Variants in RBFOX1 observed in about 807,000 individuals in gnomAD.
RBFOX1 encodes RNA binding fox-1 homolog 1.
RBFOX1 carries 8 observed loss-of-function variants against 57.7 expected under a neutral mutation model. The ratio of observed to expected loss-of-function variants is 0.14; its 90% confidence interval spans 0.08 to 0.25. RBFOX1 has a LOEUF of 0.25. Among genes scored for constraint, RBFOX1 ranks in the 10% least tolerant of loss-of-function variants. The pLI, the probability that RBFOX1 is intolerant of heterozygous loss-of-function variation, is 1.00. For synonymous variants in RBFOX1, 326 were observed against 222.4 expected, an observed-to-expected ratio of 1.47 and a Z score of -4.15; for missense variants, 611 against 548.5, an observed-to-expected ratio of 1.11 and a Z score of -1.14.
chr16:7,234,887 A>G (rs2152937937), intron 4 of RBFOX1, among the ~76,000 whole-genome samples: 1 of 152,172 alleles, frequency 6.6e-6, no homozygotes, highest in Non-Finnish European at 1.5e-5. Flanking sequence ...GTCCCATAAG[A>G]ATTATTCACA....
intron 3 of RBFOX1, among the ~76,000 whole-genome samples, chr16:5,817,286 C>A (rs2055677796): frequency 2.6e-5 from 4 of 152,158 alleles, no homozygotes; most frequent in Admixed American, 2.6e-4. Flanking sequence ...CTTTGAAATC[C>A]ATATTCTTCT....
chr16:7,249,985 A>G (rs1447513512), intron 4 of RBFOX1, among the ~76,000 whole-genome samples: 2 of 152,232 alleles, frequency 1.3e-5, no homozygotes, highest in African/African-American at 4.8e-5. Context: ...AAGCATTATA[A>G]AATCCTTTCC....
rs1449345959 is a variant in RBFOX1 at position 7,371,632 on chromosome 16, C to G, written c.28-146515C>G. On this transcript the variant is annotated intron_variant, in intron 4 of 15. Transcript: ENST00000550418. ...GGGTGTGGTGGCAGGCGCCTATAAT[C>G]CCAGCTACTCAGGATACTGAGGCAG... is the stretch of plus-strand genomic sequence containing the variant. Among the ~76,000 whole-genome samples the G allele has an allele frequency of 2.6e-5, 4 of 152,270 alleles. No homozygotes were observed. In the East Asian group the frequency reaches 7.8e-4, roughly 30 times the overall value.
chr16:7,289,693 G>A (rs998066116), intron 4 of RBFOX1, among the ~76,000 whole-genome samples: 1 of 152,104 alleles, frequency 6.6e-6, no homozygotes, highest in South Asian at 2.1e-4. Context: ...TATCCTTGAA[G>A]CTGATATGTG....
chr16:5,336,316 T>A (rs916206622), intron 1 of RBFOX1, among the ~76,000 whole-genome samples: 1 of 152,154 alleles, frequency 6.6e-6, no homozygotes, highest in Non-Finnish European at 1.5e-5. Flanking sequence ...AGGGCACACA[T>A]TCTCAATTCA....
At chr16:6,904,609 A>G (rs1253471835) in intron 3 of RBFOX1, among the ~76,000 whole-genome samples, 3 of 149,268 alleles carry the variant, frequency 2.0e-5, no homozygotes, top group African/African-American at 7.4e-5. Context: ...TAAAAAAAAA[A>G]AAAAAAAAAA....
At chr16:5,500,834 C>G (rs965270387) in intron 2 of RBFOX1, among the ~76,000 whole-genome samples, 1 of 152,180 alleles carries the variant, frequency 6.6e-6, no homozygotes, top group African/African-American at 2.4e-5. Flanking sequence ...CCTATACTTA[C>G]GAATTGCCTT....
At chr16:7,219,734 G>A (rs975332514) in intron 4 of RBFOX1, among the ~76,000 whole-genome samples, 11 of 152,148 alleles carry the variant, frequency 7.2e-5, no homozygotes, top group African/African-American at 2.7e-4. Context: ...TTTAAGAGTG[G>A]TATTGGAATG....
At chr16:7,116,836 A>G (rs2066010819) in intron 4 of RBFOX1, among the ~76,000 whole-genome samples, 1 of 152,166 alleles carries the variant, frequency 6.6e-6, no homozygotes, top group Non-Finnish European at 1.5e-5. Context: ...GACACAGACC[A>G]TCCCCTCAAG....
intron 4 of RBFOX1, among the ~76,000 whole-genome samples, chr16:7,188,163 G>T (rs1305437327): frequency 2.0e-5 from 3 of 152,172 alleles, no homozygotes; most frequent in Admixed American, 2.0e-4. Flanking sequence ...TATCTAACTG[G>T]AAAGAAAACC....
intron 4 of RBFOX1, among the ~76,000 whole-genome samples, chr16:7,465,131 AG>A (rs1468435694): frequency 6.6e-6 from 1 of 152,110 alleles, no homozygotes; most frequent in Non-Finnish European, 1.5e-5. Flanking sequence ...TTTCTACGTC[AG>A]GGGCTTTGCA....
At chr16:6,024,134 G>A (rs561994532) in intron 1 of RBFOX1, among the ~76,000 whole-genome samples, 1 of 152,326 alleles carries the variant, frequency 6.6e-6, no homozygotes, top group South Asian at 2.1e-4. Flanking sequence ...TAGTCAAAGA[G>A]ACATGGGTGA....
chr16:6,651,294 C>T (rs2098593327), intron 2 of RBFOX1, among the ~76,000 whole-genome samples: 1 of 152,216 alleles, frequency 6.6e-6, no homozygotes, highest in Non-Finnish European at 1.5e-5. Flanking sequence ...ACAGACCGTG[C>T]AACGGCCCCA....
rs544806904 is a variant in RBFOX1 at position 7,070,335 on chromosome 16, A to G, written c.27+18237A>G. On this transcript the variant is annotated intron_variant, in intron 4 of 15. Coordinates refer to ENST00000550418, the MANE Select transcript of RBFOX1 (RefSeq NM_018723.4). ...TAACAATATAGATGCTTTCCTGGAT[A>G]GAGAACATGGAGGCATGATTTTGGA... Among the ~76,000 whole-genome samples the G allele has an allele frequency of 3.9e-5, 6 of 152,334 alleles. No individual in the cohort carries two copies. The South Asian group carries it at 1.0e-3, about 26-fold the overall frequency.
At chr16:5,723,046 A>C (rs1008878180) in intron 3 of RBFOX1, among the ~76,000 whole-genome samples, 3 of 152,190 alleles carry the variant, frequency 2.0e-5, no homozygotes, top group Non-Finnish European at 4.4e-5. Flanking sequence ...ATCCATCACA[A>C]ACTGCTTTCC....
intron 1 of RBFOX1, among the ~76,000 whole-genome samples, chr16:5,297,192 A>G (rs756287019): frequency 1.2e-4 from 18 of 152,324 alleles, no homozygotes; most frequent in Non-Finnish European, 1.2e-4. Context: ...TGTATTGGCT[A>G]TTGTGAATAG....
chr16:5,271,689 G>C (rs2063012239), intron 1 of RBFOX1, among the ~76,000 whole-genome samples: 2 of 152,166 alleles, frequency 1.3e-5, no homozygotes, highest in African/African-American at 2.4e-5. Context: ...AGTTTAACTT[G>C]TTCAAAACTT....
chr16:6,469,382 A>G (rs906147243), intron 2 of RBFOX1, among the ~76,000 whole-genome samples: 13 of 152,196 alleles, frequency 8.5e-5, no homozygotes, highest in African/African-American at 2.9e-4. Context: ...CTACCCTATC[A>G]TTTCTTTAAG....
In RBFOX1 at chr16:5,467,281, G is replaced by C. The variant is rs192714358; in HGVS notation, c.258+27G>C. ...TAAGTGCTCATTTTGTCCTGACTTA[G>C]GATGTCTGTGAAGTCTAGTGGAAAT... On this transcript the variant is annotated intron_variant, in intron 2 of 2. Transcript: ENST00000585867. 1.0e-4 allele frequency: 151 copies of C among 1,470,462 alleles called. 1 individual carries two copies. The African/African-American group carries it at 1.7e-3, about 16-fold the overall frequency. The allele number at this position is 1,470,462 out of a possible 1,614,324, so 91.1% of individuals were successfully genotyped here.
Sources: gnomAD v4.1 joint callset for allele counts (sites outside exome capture counted in the v4.1 genomes callset) on GRCh38, gnomAD v4.1.1 for gene constraint, MANE v1.5 for transcripts, NCBI Gene and HGNC (gene_info 2026-07-23, HGNC 2026-07-21) for gene names.